Variants in KALRN observed in about 807,000 individuals in gnomAD.
The protein encoded by KALRN is kalirin.
KALRN carries 70 observed loss-of-function variants against 353.7 expected under a neutral mutation model. The ratio of observed to expected loss-of-function variants is 0.20; its 90% CI spans 0.16 to 0.24. The LOEUF (loss-of-function observed/expected upper bound fraction) is 0.24, where lower values mean the gene tolerates loss of function less well. Among genes scored for constraint, KALRN ranks in the 10% least tolerant of loss-of-function variants. The pLI, the probability that KALRN is intolerant of heterozygous loss-of-function variation, is 1.00. For synonymous variants in KALRN, 1,391 were observed against 1,434.8 expected (o/e 0.97, Z 0.69); for missense variants, 2,791 against 3,756.7 (o/e 0.74, Z 6.72).
At chr3:124,508,471 T>G (rs1455858938) in intron 33 of KALRN, among the ~76,000 whole-genome samples, 1 of 152,214 alleles carries the variant, frequency 6.6e-6, no homozygotes, top group African/African-American at 2.4e-5. Flanking sequence ...CAACACTTAT[T>G]TTTATGGGAT....
chr3:124,311,277 C>G (rs570491894), intron 6 of KALRN, among the ~76,000 whole-genome samples: 3 of 151,486 alleles, frequency 2.0e-5, no homozygotes, highest in Middle Eastern at 3.4e-3. Flanking sequence ...CTGGCCAACA[C>G]GGCAAAACCT....
intron 34 of KALRN, chr3:124,584,729 C>G (rs2074958968): frequency 6.7e-7 from 1 of 1,501,826 alleles, no homozygotes; most frequent in Admixed American, 2.3e-5. Context: ...GGAGCCGGCT[C>G]TCGGGCGGCG....
chr3:124,270,813 T>TTTTTTGTTTTG (rs1560420614), intron 5 of KALRN, among the ~76,000 whole-genome samples: 2 of 134,756 alleles, frequency 1.5e-5, no homozygotes, highest in African/African-American at 5.5e-5. Flanking sequence ...CTTTGTTTAT[T>TTTTTTGTTTTG]TTTTTGTTTT....
intron 34 of KALRN, among the ~76,000 whole-genome samples, chr3:124,621,047 T>C (rs1327591393): frequency 6.6e-6 from 1 of 152,208 alleles, no homozygotes; most frequent in Non-Finnish European, 1.5e-5. Flanking sequence ...GTGCTGACTT[T>C]TGAGTCTTTG....
intron 34 of KALRN, among the ~76,000 whole-genome samples, chr3:124,628,666 C>T (rs536717823): frequency 6.6e-6 from 1 of 151,494 alleles, no homozygotes; most frequent in East Asian, 1.9e-4. Flanking sequence ...ACCTCTGCCT[C>T]CTAGGCTCAA....
At chr3:124,375,138 G>A (rs760020081) in intron 10 of KALRN, among the ~76,000 whole-genome samples, 3 of 152,122 alleles carry the variant, frequency 2.0e-5, no homozygotes, top group Non-Finnish European at 4.4e-5. Context: ...CCAGAGGAGT[G>A]GAGATTATGT....
chr3:124,387,972 G>T (rs2088662818), intron 11 of KALRN, among the ~76,000 whole-genome samples: 1 of 151,986 alleles, frequency 6.6e-6, no homozygotes, highest in African/African-American at 2.4e-5. Context: ...GCTAGGCAGG[G>T]TAGAAAATAA....
At chr3:124,378,241 A>G (rs909490203) in intron 10 of KALRN, among the ~76,000 whole-genome samples, 1 of 152,090 alleles carries the variant, frequency 6.6e-6, no homozygotes. Flanking sequence ...GGTTTATAGT[A>G]TTTTAACTTA....
chr3:124,479,988 G>C (rs1014733473), intron 27 of KALRN, among the ~76,000 whole-genome samples: 2 of 152,152 alleles, frequency 1.3e-5, no homozygotes, highest in African/African-American at 4.8e-5. Flanking sequence ...CTCCCAAAGT[G>C]CTGGGACTAC....
At chr3:124,037,834 T>A (rs539531609) in intron 1 of KALRN, among the ~76,000 whole-genome samples, 48 of 152,238 alleles carry the variant, frequency 3.2e-4, no homozygotes, top group Middle Eastern at 3.4e-3. Flanking sequence ...ACTGACAGTG[T>A]CTGACTGATG....
At chr3:124,102,228 G>A (rs1407215907) in intron 1 of KALRN, among the ~76,000 whole-genome samples, 1 of 152,078 alleles carries the variant, frequency 6.6e-6, no homozygotes, top group East Asian at 1.9e-4. Flanking sequence ...AAGGGACCAG[G>A]CCTCTTGTCT....
At chr3:124,228,156 G>A (rs2078778129) in intron 2 of KALRN, 92 bp downstream of exon 2, 2 of 1,043,070 alleles carry the variant, frequency 1.9e-6, no homozygotes, top group Middle Eastern at 4.1e-4. Context: ...TAGTAGGGGA[G>A]AAGTAGGGGT....
Position 124,455,438 on chromosome 3 carries a change from A to G in KALRN, c.3735+79A>G, listed in dbSNP as rs1000097035. The G allele has an allele frequency of 7.1e-6, 10 of 1,399,056 alleles. No homozygotes were observed. The African/African-American group carries it at 1.1e-4, about 16-fold the overall frequency. 86.7% of individuals were successfully genotyped at this position (1,399,056 alleles called of 1,614,324 possible). The stretch of plus-strand genomic sequence containing the variant: ...CCACTGCCCTCATCGCCATGGAAGA[A>G]AAGCATGTTTCCAGAGCAGTTCTTC... On this transcript the variant is annotated intron_variant, in intron 22 of 59. Coordinates refer to ENST00000682506, the MANE Select transcript of KALRN (RefSeq NM_001388419.1).
chr3:124,681,774 T>G lies in KALRN; in HGVS notation c.7377+2257T>G, dbSNP rs2087804114. ...CCTCCTGAGTAGCTGGGACCACAGGTGCACACCACCATGCCTGGCTAATTT... is the reference window on the plus strand; with the variant it reads ...CCTCCTGAGTAGCTGGGACCACAGGGGCACACCACCATGCCTGGCTAATTT... On this transcript the variant is annotated intron_variant, in intron 51 of 59. Coordinates refer to ENST00000682506, the MANE Select transcript of KALRN (RefSeq NM_001388419.1). 2.6e-5 allele frequency among the ~76,000 whole-genome samples: 4 copies of G among 151,748 alleles called. No homozygotes were observed. The South Asian group carries it at 6.3e-4, about 24-fold the overall frequency.
Position 124,264,593 on chromosome 3 carries a change from C to T in KALRN, c.359C>T (p.Ala120Val). 1.2e-6 allele frequency: 2 copies of T among 1,614,146 alleles called. No homozygotes were observed. Among genetic ancestry groups the T allele is most frequent in the Non-Finnish European group, 1.7e-6 (2 of 1,179,980 alleles). The change falls in exon 4 of 60, where the codon GCC (alanine) becomes GTC (valine). Residue 120 changes from alanine to valine, a missense_variant. Around this residue, in one of 11 missense-constraint regions of KALRN, gnomAD observed 110 missense variants for 204.1 expected, o/e 0.54. Transcript: ENST00000682506. ...IKPLLKTLQE[A>V]FPAEIHVALI... Reference sequence around the variant, plus strand: ...CCCCTCCTCAAAACGCTGCAGGAAGCCTTTCCAGCTGAGATCCATGTGGCC... The same window carrying T: ...CCCCTCCTCAAAACGCTGCAGGAAGTCTTTCCAGCTGAGATCCATGTGGCC...
chr3:124,335,639 G>A (rs2081063208), intron 9 of KALRN, among the ~76,000 whole-genome samples: 1 of 152,088 alleles, frequency 6.6e-6, no homozygotes, highest in African/African-American at 2.4e-5. Flanking sequence ...TTCACCATAG[G>A]AAAACTAAGG....
At chr3:124,101,417 G>A (rs2061851657) in intron 1 of KALRN, among the ~76,000 whole-genome samples, 1 of 152,190 alleles carries the variant, frequency 6.6e-6, no homozygotes, top group African/African-American at 2.4e-5. Context: ...CAGGATAAAT[G>A]GGAGGTAAGG....
intron 3 of KALRN, among the ~76,000 whole-genome samples, chr3:124,249,786 C>T (rs543191283): frequency 8.5e-5 from 13 of 152,304 alleles, no homozygotes; most frequent in Admixed American, 3.3e-4. Context: ...CTCCCTGTTC[C>T]ATTTCAAGAT....
chr3:124,561,861 A>G (rs1487490022), intron 33 of KALRN, among the ~76,000 whole-genome samples: 1 of 152,210 alleles, frequency 6.6e-6, no homozygotes. Flanking sequence ...GGGAGACTGT[A>G]CTTAGTTCTA....
Sources: allele counts gnomAD v4.1 joint callset (sites outside exome capture counted in the v4.1 genomes callset), GRCh38; gene constraint gnomAD v4.1.1; regional missense constraint gnomAD v4.1.1; transcripts MANE v1.5; gene names NCBI Gene and HGNC (gene_info 2026-07-23, HGNC 2026-07-21).